Variants in CDH18 observed in about 807,000 individuals in gnomAD.
The protein encoded by CDH18 is cadherin 18.
Under a neutral mutation model 67.9 loss-of-function variants are expected in CDH18, and 31 were observed. The ratio of observed to expected loss-of-function variants is 0.46; its 90% confidence interval spans 0.34 to 0.62. The LOEUF is 0.62. CDH18 is among the 20% of genes least tolerant of loss of function. CDH18 has a pLI of 0.01. For missense variants in CDH18, 890 were observed against 975.5 expected (o/e 0.91, Z 1.17); for synonymous variants, 362 against 347.2 (o/e 1.04, Z -0.48).
intron 1 of CDH18, among the ~76,000 whole-genome samples, chr5:20,426,962 T>C (rs1251887297): frequency 6.6e-6 from 1 of 150,896 alleles, no homozygotes; most frequent in African/African-American, 2.5e-5. Context: ...ACAAATTTCA[T>C]CTCATTGAAC....
intron 2 of CDH18, among the ~76,000 whole-genome samples, chr5:20,048,386 G>T (rs1741093978): frequency 6.6e-6 from 1 of 151,428 alleles, no homozygotes; most frequent in African/African-American, 2.4e-5. Context: ...GATAATAGAA[G>T]ATAAACACTA....
chr5:20,197,526 C>T (rs1293585288), intron 2 of CDH18, among the ~76,000 whole-genome samples: 1 of 152,154 alleles, frequency 6.6e-6, no homozygotes, highest in Non-Finnish European at 1.5e-5. Flanking sequence ...AATTACGACT[C>T]AAGAAGTTAC....
intron 2 of CDH18, among the ~76,000 whole-genome samples, chr5:20,132,128 C>G (rs905165322): frequency 9.9e-5 from 15 of 152,184 alleles, no homozygotes; most frequent in Non-Finnish European, 2.1e-4. Context: ...ACCTCAGGTG[C>G]TCCGCCCAGC....
chr5:19,730,539 C>G (rs939103774), intron 4 of CDH18, among the ~76,000 whole-genome samples: 1 of 152,030 alleles, frequency 6.6e-6, no homozygotes, highest in Non-Finnish European at 1.5e-5. Context: ...AGTTTAAATA[C>G]GAAATTCATT....
chr5:20,475,066 T>A (rs1427364514), intron 1 of CDH18, among the ~76,000 whole-genome samples: 1 of 152,184 alleles, frequency 6.6e-6, no homozygotes, highest in African/African-American at 2.4e-5. Context: ...AACTTGAGTA[T>A]CATTTCATCT....
intron 1 of CDH18, among the ~76,000 whole-genome samples, chr5:20,311,475 A>G (rs1186741552): frequency 6.6e-6 from 1 of 152,196 alleles, no homozygotes; most frequent in Admixed American, 6.5e-5. Flanking sequence ...ATAAAAAAGG[A>G]TAAGTTCATG....
chr5:19,689,926 T>C (rs1761626352), intron 5 of CDH18, among the ~76,000 whole-genome samples: 1 of 151,736 alleles, frequency 6.6e-6, no homozygotes, highest in Admixed American at 6.6e-5. Context: ...GATAAAGATT[T>C]TCCATACAAA....
At chr5:20,372,446 C>A (rs143991253) in intron 1 of CDH18, among the ~76,000 whole-genome samples, 1 of 151,966 alleles carries the variant, frequency 6.6e-6, no homozygotes, top group Admixed American at 6.6e-5. Flanking sequence ...CTTATCCTTT[C>A]TATTTCACTG....
intron 1 of CDH18, among the ~76,000 whole-genome samples, chr5:20,544,033 A>G (rs1456348302): frequency 6.6e-6 from 1 of 152,204 alleles, no homozygotes; most frequent in East Asian, 1.9e-4. Flanking sequence ...TTTTCCAGCA[A>G]ATATCCATTA....
intron 2 of CDH18, among the ~76,000 whole-genome samples, chr5:19,899,735 G>T (rs1467300304): frequency 2.0e-5 from 3 of 151,730 alleles, no homozygotes; most frequent in African/African-American, 7.3e-5. Flanking sequence ...AGAAAATGTA[G>T]TATATATATA....
At chr5:20,369,931 C>T (rs564589108) in intron 1 of CDH18, among the ~76,000 whole-genome samples, 1 of 152,198 alleles carries the variant, frequency 6.6e-6, no homozygotes, top group African/African-American at 2.4e-5. Context: ...CACAGGTAAA[C>T]ATGTGCTACG....
intron 2 of CDH18, among the ~76,000 whole-genome samples, chr5:20,247,877 A>G (rs936356073): frequency 1.4e-4 from 22 of 152,202 alleles, no homozygotes; most frequent in Non-Finnish European, 2.9e-5. Flanking sequence ...AGTAGTAGAA[A>G]AAGTTACAAG....
Position 19,479,562 on chromosome 5 carries a change from G to A in CDH18, c.1882+3739C>T, listed in dbSNP as rs555894162. ...TTATATATTTTCACTAATTTTATTA[G>A]TTGAAACTTAAATATGCTTTTAGAG... On this transcript the variant is annotated intron_variant, in intron 12 of 12. Transcript: ENST00000382275. 2.0e-4 allele frequency among the ~76,000 whole-genome samples: 31 copies of A among 152,096 alleles called. No individual in the cohort carries two copies. In the South Asian group the frequency reaches 6.0e-3, roughly 30 times the overall value.
chr5:20,377,286 T>C (rs924648257), intron 1 of CDH18, among the ~76,000 whole-genome samples: 3 of 152,228 alleles, frequency 2.0e-5, no homozygotes, highest in African/African-American at 4.8e-5. Context: ...ACCTGCAAAT[T>C]AGTTATTTTG....
At chr5:19,759,539 A>T (rs1437664069) in intron 3 of CDH18, among the ~76,000 whole-genome samples, 1 of 152,128 alleles carries the variant, frequency 6.6e-6, no homozygotes, top group Non-Finnish European at 1.5e-5. Flanking sequence ...CCAGGGACCC[A>T]CTGGGCCCAC....
intron 8 of CDH18, among the ~76,000 whole-genome samples, chr5:19,550,470 G>T (rs1449301737): frequency 2.0e-5 from 3 of 149,790 alleles, no homozygotes; most frequent in Admixed American, 6.7e-5. Context: ...GTGTCCATGT[G>T]TTCTCATTGT....
intron 3 of CDH18, among the ~76,000 whole-genome samples, chr5:19,768,158 A>C (rs2149728494): frequency 6.6e-6 from 1 of 152,190 alleles, no homozygotes; most frequent in African/African-American, 2.4e-5. Context: ...CCCCACTCTC[A>C]AGTTTGTTGT....
rs139415312 is a variant in CDH18 at position 19,621,601 on chromosome 5, T to C, written c.644-9000A>G. On this transcript the variant is annotated intron_variant, in intron 5 of 12. Transcript: ENST00000382275. The stretch of plus-strand genomic sequence containing the variant: ...AACAAATACTGCATGATCTTACTTA[T>C]ATGAGGAATCTGAAAATGTCAAACT... Among the ~76,000 whole-genome samples the C allele has an allele frequency of 3.9e-5, 6 of 152,274 alleles. No homozygotes were observed. The East Asian group carries it at 9.7e-4, about 25-fold the overall frequency.
At chr5:19,690,127 T>C (rs953790679) in intron 5 of CDH18, among the ~76,000 whole-genome samples, 2 of 151,304 alleles carry the variant, frequency 1.3e-5, no homozygotes. Context: ...GTAATAAAAC[T>C]ACTAGCTGGT....
Sources: allele counts gnomAD v4.1 joint callset (sites outside exome capture counted in the v4.1 genomes callset), GRCh38; gene constraint gnomAD v4.1.1; transcripts MANE v1.5; gene names NCBI Gene and HGNC (gene_info 2026-07-23, HGNC 2026-07-21).